CSMD1: variants seen among roughly 807,000 people sequenced by gnomAD.
The protein encoded by CSMD1 is CUB and sushi domain-containing protein 1.
Under a neutral mutation model 417.5 loss-of-function variants are expected in CSMD1, and 213 were observed. The observed-to-expected ratio is 0.51, with a 90% CI of 0.46 to 0.57. CSMD1 has a LOEUF of 0.57. CSMD1 is among the 20% of genes least tolerant of loss of function. CSMD1 has a pLI of 0.00. For missense variants in CSMD1, 6,923 were observed against 4,529.7 expected, an observed-to-expected ratio of 1.53 and a Z score of -15.17; for synonymous variants, 2,862 against 1,736.8, an observed-to-expected ratio of 1.65 and a Z score of -16.11.
At chr8:3,603,787 T>G (rs148243070) in intron 8 of CSMD1, among the ~76,000 whole-genome samples, 122 of 152,326 alleles carry the variant, frequency 8.0e-4, no homozygotes, top group African/African-American at 2.7e-3. Context: ...TAAACTAAAT[T>G]TTTTAGTTGA....
At chr8:4,928,405 C>T (rs939032466) in intron 1 of CSMD1, among the ~76,000 whole-genome samples, 3 of 152,108 alleles carry the variant, frequency 2.0e-5, no homozygotes, top group Non-Finnish European at 4.4e-5. Flanking sequence ...TGGGGCTTTC[C>T]CTGATTGTCT....
chr8:4,650,260 G>A, intron 1 of CSMD1, among the ~76,000 whole-genome samples: 1 of 150,266 alleles, frequency 6.7e-6, no homozygotes. Context: ...CAGGAGAATG[G>A]CGTGAACCCG....
chr8:3,682,107 A>C (rs1352098620), intron 7 of CSMD1, among the ~76,000 whole-genome samples: 2 of 152,178 alleles, frequency 1.3e-5, no homozygotes, highest in African/African-American at 2.4e-5. Context: ...AACCTAGGCA[A>C]TACTATTCAG....
At chr8:4,321,482 A>T (rs1181422629) in intron 3 of CSMD1, among the ~76,000 whole-genome samples, 1 of 152,118 alleles carries the variant, frequency 6.6e-6, no homozygotes. Context: ...TCAGTGATGC[A>T]AGTTAGACAA....
intron 7 of CSMD1, among the ~76,000 whole-genome samples, chr8:3,623,238 T>A (rs897620101): frequency 6.6e-6 from 1 of 152,230 alleles, no homozygotes; most frequent in African/African-American, 2.4e-5. Context: ...TAATACCTCA[T>A]TAGATCTGCA....
chr8:3,614,963 A>G (rs963233394), intron 8 of CSMD1, among the ~76,000 whole-genome samples: 1 of 152,218 alleles, frequency 6.6e-6, no homozygotes, highest in African/African-American at 2.4e-5. Flanking sequence ...GAAAGACATG[A>G]CTGTTGACAC....
At chr8:3,904,005 C>G (rs1186931691) in intron 5 of CSMD1, among the ~76,000 whole-genome samples, 1 of 151,546 alleles carries the variant, frequency 6.6e-6, no homozygotes, top group Non-Finnish European at 1.5e-5. Flanking sequence ...TCCTACCGTC[C>G]TATCTGCCTA....
intron 41 of CSMD1, among the ~76,000 whole-genome samples, chr8:3,119,406 A>C (rs957298979): frequency 1.4e-5 from 2 of 144,266 alleles, no homozygotes; most frequent in South Asian, 2.3e-4. Context: ...AAAAAAAAAA[A>C]AAAAAACACT....
At chr8:4,303,029 T>C (rs1798064099) in intron 3 of CSMD1, among the ~76,000 whole-genome samples, 1 of 152,194 alleles carries the variant, frequency 6.6e-6, no homozygotes, top group Non-Finnish European at 1.5e-5. Flanking sequence ...ATGGCACTTT[T>C]GTGTTTAGGG....
intron 3 of CSMD1, among the ~76,000 whole-genome samples, chr8:4,229,342 C>T (rs1563307026): frequency 6.6e-6 from 1 of 152,166 alleles, no homozygotes; most frequent in African/African-American, 2.4e-5. Flanking sequence ...GTGCTTCTTT[C>T]TTATCCACTT....
At chr8:4,013,400 C>G (rs1183518131) in intron 4 of CSMD1, among the ~76,000 whole-genome samples, 3 of 152,278 alleles carry the variant, frequency 2.0e-5, no homozygotes, top group South Asian at 2.1e-4. Context: ...GCAGGGCTCA[C>G]TCTGTCCCGT....
chr8:4,502,186 T>A (rs1393959458), intron 2 of CSMD1, among the ~76,000 whole-genome samples: 2 of 152,130 alleles, frequency 1.3e-5, no homozygotes, highest in Non-Finnish European at 2.9e-5. Context: ...ATCATTCTTA[T>A]GAACAGAAAC....
Position 3,756,904 on chromosome 8 carries a change from G to A in CSMD1, c.819-2862C>T, listed in dbSNP as rs192990007. Among the ~76,000 whole-genome samples the A allele has an allele frequency of 1.6e-4, 25 of 152,030 alleles. No individual in the cohort carries two copies. In the East Asian group the frequency reaches 4.1e-3, roughly 25 times the overall value. On this transcript the variant is annotated intron_variant, in intron 5 of 69. Coordinates refer to ENST00000635120, the MANE Select transcript of CSMD1 (RefSeq NM_033225.6). ...TCCGACTCCTGGGCTCAAGCCATCC[G>A]CTTGCCTCAACCTCTGGAGTAGCTA...
At chr8:3,956,894 C>G (rs1055714444) in intron 5 of CSMD1, among the ~76,000 whole-genome samples, 1 of 152,150 alleles carries the variant, frequency 6.6e-6, no homozygotes, top group African/African-American at 2.4e-5. Flanking sequence ...AGGTGATTAT[C>G]TCTGCATTGT....
At chr8:3,788,170 T>G (rs1799549073) in intron 5 of CSMD1, among the ~76,000 whole-genome samples, 1 of 152,236 alleles carries the variant, frequency 6.6e-6, no homozygotes, top group Non-Finnish European at 1.5e-5. Flanking sequence ...AACAAGGGAT[T>G]CATGTGATAC....
intron 1 of CSMD1, among the ~76,000 whole-genome samples, chr8:4,881,067 G>C (rs574419888): frequency 6.6e-6 from 1 of 151,938 alleles, no homozygotes; most frequent in South Asian, 2.1e-4. Flanking sequence ...TTTTCCTAGA[G>C]GACTCTGCCA....
At chr8:4,631,990 G>A (rs1329193908) in intron 2 of CSMD1, among the ~76,000 whole-genome samples, 2 of 152,062 alleles carry the variant, frequency 1.3e-5, no homozygotes, top group Non-Finnish European at 2.9e-5. Context: ...TTAGACCTTT[G>A]ATATAATAAT....
chr8:4,154,046 G>A (rs577152231), intron 3 of CSMD1, among the ~76,000 whole-genome samples: 7 of 152,106 alleles, frequency 4.6e-5, no homozygotes, highest in Non-Finnish European at 7.4e-5. Flanking sequence ...TGCCACATTT[G>A]TTTTCCTAAG....
intron 3 of CSMD1, among the ~76,000 whole-genome samples, chr8:4,306,950 A>AC: frequency 6.6e-6 from 1 of 152,022 alleles, no homozygotes; most frequent in Non-Finnish European, 1.5e-5. Context: ...TGTCGATCCT[A>AC]CCCCCAAGCA....
Sources: allele counts gnomAD v4.1 joint callset (sites outside exome capture counted in the v4.1 genomes callset), GRCh38; gene constraint gnomAD v4.1.1; transcripts MANE v1.5; gene names NCBI Gene and HGNC (gene_info 2026-07-23, HGNC 2026-07-21).